GXYLT1: variants seen among roughly 807,000 people sequenced by gnomAD.
GXYLT1 encodes glucoside xylosyltransferase 1.
GXYLT1 carries 29 observed loss-of-function variants against 54.0 expected under a neutral mutation model. The ratio of observed to expected loss-of-function variants is 0.54; its 90% CI spans 0.40 to 0.73. GXYLT1 has a LOEUF of 0.73. Among genes scored for constraint, GXYLT1 ranks in the 30% least tolerant of loss-of-function variants. GXYLT1 has a pLI of 0.00. For synonymous variants in GXYLT1, 176 were observed against 204.1 expected (o/e 0.86, Z 1.17); for missense variants, 490 against 553.4 (o/e 0.89, Z 1.15).
chr12:42,135,028 G>T (rs1272959791), intron 1 of GXYLT1, among the ~76,000 whole-genome samples: 1 of 152,130 alleles, frequency 6.6e-6, no homozygotes, highest in Non-Finnish European at 1.5e-5. Context: ...ATTACCATGG[G>T]CCTTGCCTGC....
chr12:42,098,163 CA>C, intron 5 of GXYLT1, 130 bp from the exon 6 acceptor site: 1 of 787,482 alleles, frequency 1.3e-6, no homozygotes, highest in Non-Finnish European at 2.1e-6. Flanking sequence ...CTCACAATAT[CA>C]AGTGACATTT....
intron 1 of GXYLT1, among the ~76,000 whole-genome samples, chr12:42,130,797 A>G (rs912673115): frequency 1.6e-4 from 25 of 152,136 alleles, no homozygotes; most frequent in African/African-American, 5.8e-4. Flanking sequence ...AAAATAAAAA[A>G]TTAGCTGGAC....
chr12:42,132,663 A>T (rs2065599278), intron 1 of GXYLT1, among the ~76,000 whole-genome samples: 1 of 152,204 alleles, frequency 6.6e-6, no homozygotes, highest in Non-Finnish European at 1.5e-5. Context: ...CGCCCACGTG[A>T]GCTAGAGAGC....
intron 1 of GXYLT1, among the ~76,000 whole-genome samples, chr12:42,140,206 G>GA (rs1034176325): frequency 7.4e-6 from 1 of 134,552 alleles, no homozygotes; most frequent in Non-Finnish European, 1.6e-5. Context: ...AAGGCGGGGG[G>GA]GGGGGGACTT....
Position 42,097,940 on chromosome 12 carries a change from G to T in GXYLT1, c.958C>A (p.Leu320Ile). Residue 320 changes from leucine (L) to isoleucine (I), a missense_variant, in exon 6 of 8, where the codon CTA becomes ATA. Transcript: ENST00000398675. ...KLNITWGDQD[L>I]LNIVFFHNPE... ...TTATGAAAAAACACGATATTCAATA[G>T]ATCTTGATCACCCCATGTGATGTTT... is the stretch of plus-strand genomic sequence containing the variant. 1 of 1,598,686 alleles carries T rather than the reference G, an allele frequency of 6.3e-7. No homozygotes were observed. The highest frequency in any genetic ancestry group is 8.6e-7 in the Non-Finnish European group (1 of 1,169,106).
intron 4 of GXYLT1, among the ~76,000 whole-genome samples, chr12:42,107,817 G>C (rs995451446): frequency 6.6e-6 from 1 of 152,174 alleles, no homozygotes; most frequent in African/African-American, 2.4e-5. Flanking sequence ...TCTGTTTACA[G>C]ATTACTATAT....
intron 1 of GXYLT1, among the ~76,000 whole-genome samples, chr12:42,135,962 G>A (rs1350594689): frequency 6.6e-6 from 1 of 152,172 alleles, no homozygotes; most frequent in Non-Finnish European, 1.5e-5. Flanking sequence ...ATATAGGAAA[G>A]ATGTTTTTCT....
intron 1 of GXYLT1, among the ~76,000 whole-genome samples, chr12:42,137,629 C>T (rs1180728091): frequency 6.6e-6 from 1 of 151,426 alleles, no homozygotes; most frequent in Non-Finnish European, 1.5e-5. Context: ...TGGTGGCAGG[C>T]GCCTGTAGTC....
chr12:42,093,825 A>G (rs1327493040), intron 7 of GXYLT1, among the ~76,000 whole-genome samples: 1 of 152,170 alleles, frequency 6.6e-6, no homozygotes, highest in Non-Finnish European at 1.5e-5. Flanking sequence ...GATATGAGCC[A>G]CTGCGCCCAG....
intron 7 of GXYLT1, among the ~76,000 whole-genome samples, chr12:42,090,134 G>A (rs1000183005): frequency 6.6e-6 from 1 of 151,444 alleles, no homozygotes; most frequent in Non-Finnish European, 1.5e-5. Flanking sequence ...GCCATTTGAT[G>A]AATATTTTCT....
intron 7 of GXYLT1, among the ~76,000 whole-genome samples, chr12:42,094,966 A>T (rs945287784): frequency 2.6e-5 from 4 of 151,862 alleles, no homozygotes; most frequent in Non-Finnish European, 2.9e-5. Context: ...AGTTATTTTT[A>T]AAAAACTATA....
chr12:42,083,363 CTTTA>C lies in GXYLT1; in HGVS notation c.*4419_*4422del, dbSNP rs1037549370. On this transcript the variant is annotated 3_prime_UTR_variant, in exon 8 of 8. Coordinates refer to ENST00000398675, the MANE Select transcript of GXYLT1 (RefSeq NM_173601.2). Reference sequence around the variant, plus strand: ...AAAGAATAACTGTTATAATACAAATCTTTATTTAATCTACTTTATTAAATATTAA... The same window carrying C: ...AAAGAATAACTGTTATAATACAAATCTTTAATCTACTTTATTAAATATTAA... 19 of 79,300 alleles carry C rather than the reference CTTTA, an allele frequency of 2.4e-4. No homozygotes were observed. Among genetic ancestry groups the C allele is most frequent in the African/African-American group, 3.4e-4 (7 of 20,808 alleles). The allele number at this position is 79,300 out of a possible 1,614,324, so 4.9% of individuals were successfully genotyped here.
At chr12:42,134,879 G>C (rs1208190774) in intron 1 of GXYLT1, among the ~76,000 whole-genome samples, 1 of 152,122 alleles carries the variant, frequency 6.6e-6, no homozygotes, top group Non-Finnish European at 1.5e-5. Context: ...CTTCTTCTCA[G>C]GAGTCCTTAA....
At chr12:42,093,832 C>G (rs1004819017) in intron 7 of GXYLT1, among the ~76,000 whole-genome samples, 1 of 152,066 alleles carries the variant, frequency 6.6e-6, no homozygotes, top group Non-Finnish European at 1.5e-5. Flanking sequence ...GCCACTGCGC[C>G]CAGCCAAAGA....
intron 5 of GXYLT1, 28 bp downstream of exon 5, chr12:42,105,790 T>C: frequency 6.4e-7 from 1 of 1,558,282 alleles, no homozygotes; most frequent in Non-Finnish European, 8.6e-7. Context: ...TAGAGAAATG[T>C]TAACAACTAC....
intron 1 of GXYLT1, among the ~76,000 whole-genome samples, chr12:42,136,400 G>A (rs536082771): frequency 5.3e-5 from 8 of 152,272 alleles, no homozygotes; most frequent in Non-Finnish European, 1.2e-4. Context: ...TAATTTTAAT[G>A]AGGCAAAGCA....
chr12:42,115,211 A>C (rs2065486147), intron 3 of GXYLT1, among the ~76,000 whole-genome samples: 1 of 152,200 alleles, frequency 6.6e-6, no homozygotes, highest in South Asian at 2.1e-4. Flanking sequence ...TTCCCTTTGA[A>C]ACCTGGCACA....
intron 2 of GXYLT1, among the ~76,000 whole-genome samples, chr12:42,129,451 G>A (rs996980025): frequency 1.3e-5 from 2 of 152,106 alleles, no homozygotes; most frequent in African/African-American, 2.4e-5. Flanking sequence ...ATCTGTAAAC[G>A]TCAGTAGAAG....
intron 1 of GXYLT1, among the ~76,000 whole-genome samples, chr12:42,139,176 T>C (rs1195433516): frequency 6.6e-6 from 1 of 151,894 alleles, no homozygotes; most frequent in Non-Finnish European, 1.5e-5. Flanking sequence ...CCAGCTTGGG[T>C]AACAGAGTGA....
Sources: allele counts gnomAD v4.1 joint callset (sites outside exome capture counted in the v4.1 genomes callset), GRCh38; gene constraint gnomAD v4.1.1; transcripts MANE v1.5; gene names NCBI Gene and HGNC (gene_info 2026-07-23, HGNC 2026-07-21).